LRRC4C: variants seen among roughly 807,000 people sequenced by gnomAD.
LRRC4C encodes the protein leucine rich repeat containing 4C, also known as leucine-rich repeat-containing protein 4C.
A neutral mutation model predicts 33.6 loss-of-function variants in LRRC4C; 5 were observed. That is an observed-to-expected ratio of 0.15 (90% CI 0.08 to 0.31). The LOEUF is 0.31. Among genes scored for constraint, LRRC4C ranks in the 10% least tolerant of loss-of-function variants. LRRC4C has a pLI of 1.00. For synonymous variants in LRRC4C, 329 were observed against 302.0 expected (o/e 1.09, Z -0.93); for missense variants, 560 against 796.7 (o/e 0.70, Z 3.58).
chr11:40,977,168 A>C (rs1358713378), intron 1 of LRRC4C, among the ~76,000 whole-genome samples: 2 of 152,140 alleles, frequency 1.3e-5, no homozygotes, highest in Non-Finnish European at 2.9e-5. Flanking sequence ...GACAAGAATC[A>C]GAACTCAGGT....
At chr11:40,981,338 C>A (rs576740285) in intron 1 of LRRC4C, among the ~76,000 whole-genome samples, 1 of 151,318 alleles carries the variant, frequency 6.6e-6, no homozygotes, top group African/African-American at 2.4e-5. Flanking sequence ...CGCTTGAGCC[C>A]GGGAGGCGGA....
At position 40,707,338 on chromosome 11, in the gene LRRC4C, G is replaced by T. The variant is rs529673027; in HGVS notation, c.-406-59060C>A. Among the ~76,000 whole-genome samples the T allele has an allele frequency of 2.6e-5, 4 of 152,256 alleles. No individual in the cohort carries two copies. In the East Asian group the frequency reaches 7.7e-4, roughly 29 times the overall value. On this transcript the variant is annotated intron_variant, in intron 2 of 6. Transcript: ENST00000528697. ...TTTTTGCCCATTCAGTATGATACTG[G>T]CTGTGGTTTGTCATAAATAGCTCTT...
At chr11:40,979,745 A>G (rs1852373984) in intron 1 of LRRC4C, among the ~76,000 whole-genome samples, 1 of 152,232 alleles carries the variant, frequency 6.6e-6, no homozygotes, top group Non-Finnish European at 1.5e-5. Context: ...TGCTTCTGCC[A>G]TTTTATGTGT....
intron 3 of LRRC4C, among the ~76,000 whole-genome samples, chr11:40,353,834 C>G (rs1947530318): frequency 6.6e-6 from 1 of 152,206 alleles, no homozygotes; most frequent in East Asian, 1.9e-4. Context: ...TCTGTCATAC[C>G]AGGTTAGGTC....
At chr11:40,852,136 T>G (rs984393935) in intron 2 of LRRC4C, among the ~76,000 whole-genome samples, 4 of 152,130 alleles carry the variant, frequency 2.6e-5, no homozygotes, top group Admixed American at 2.0e-4. Context: ...TAGATTTTTT[T>G]TTTTTTCCAG....
chr11:40,677,340 C>G (rs564382803), intron 2 of LRRC4C, among the ~76,000 whole-genome samples: 1 of 152,026 alleles, frequency 6.6e-6, no homozygotes, highest in African/African-American at 2.4e-5. Context: ...GACCCAAAAT[C>G]GCACCACAGC....
intron 2 of LRRC4C, among the ~76,000 whole-genome samples, chr11:40,812,181 T>G (rs1232304480): frequency 3.3e-5 from 5 of 152,214 alleles, no homozygotes; most frequent in Admixed American, 3.3e-4. Flanking sequence ...AAGGAGATGC[T>G]TATTTCTATT....
intron 1 of LRRC4C, among the ~76,000 whole-genome samples, chr11:41,420,597 C>T (rs894805102): frequency 7.2e-5 from 11 of 151,922 alleles, no homozygotes; most frequent in African/African-American, 1.4e-4. Flanking sequence ...TTTTGTCCTA[C>T]GAAAAATTCA....
chr11:41,064,244 C>G (rs1938031437), intron 1 of LRRC4C, among the ~76,000 whole-genome samples: 1 of 152,134 alleles, frequency 6.6e-6, no homozygotes, highest in Admixed American at 6.5e-5. Flanking sequence ...ACTAGTCTTT[C>G]CTATATGAGG....
intron 1 of LRRC4C, among the ~76,000 whole-genome samples, chr11:41,041,114 T>C (rs1040549215): frequency 9.9e-5 from 15 of 152,188 alleles, no homozygotes; most frequent in Non-Finnish European, 1.8e-4. Flanking sequence ...ACCATCGTAT[T>C]TGAACTGCTT....
chr11:41,406,663 C>T (rs1180645705), intron 1 of LRRC4C, among the ~76,000 whole-genome samples: 2 of 150,692 alleles, frequency 1.3e-5, no homozygotes, highest in East Asian at 3.9e-4. Context: ...ATCTAGCATG[C>T]TTTCCATCAA....
At chr11:41,037,613 C>T (rs987794201) in intron 1 of LRRC4C, among the ~76,000 whole-genome samples, 10 of 152,084 alleles carry the variant, frequency 6.6e-5, no homozygotes, top group Non-Finnish European at 1.5e-4. Context: ...CGCACTAAGA[C>T]ATTTGCTCAT....
intron 5 of LRRC4C, among the ~76,000 whole-genome samples, chr11:40,162,184 G>A (rs965014532): frequency 8.6e-5 from 13 of 151,580 alleles, no homozygotes; most frequent in Admixed American, 4.6e-4. Flanking sequence ...AAGACTGACC[G>A]TTATAACAAG....
At chr11:41,168,097 C>T (rs1565445263) in intron 1 of LRRC4C, among the ~76,000 whole-genome samples, 1 of 152,036 alleles carries the variant, frequency 6.6e-6, no homozygotes, top group South Asian at 2.1e-4. Flanking sequence ...CACCTATGAG[C>T]CAGGCATATA....
At chr11:40,144,066 T>C (rs1335126727) in intron 5 of LRRC4C, among the ~76,000 whole-genome samples, 1 of 152,162 alleles carries the variant, frequency 6.6e-6, no homozygotes, top group Non-Finnish European at 1.5e-5. Context: ...GATAGTCATT[T>C]TGTGGCTTGT....
chr11:40,940,420 A>T (rs1592143217), intron 1 of LRRC4C, among the ~76,000 whole-genome samples: 1 of 152,236 alleles, frequency 6.6e-6, no homozygotes, highest in South Asian at 2.1e-4. Flanking sequence ...CACATTGCTG[A>T]GCCACTGAAT....
intron 3 of LRRC4C, among the ~76,000 whole-genome samples, chr11:40,640,267 A>C (rs762036453): frequency 1.8e-4 from 28 of 152,146 alleles, no homozygotes; most frequent in Non-Finnish European, 3.2e-4. Flanking sequence ...TTGTGTTAAG[A>C]TATTTCTCAT....
intron 3 of LRRC4C, among the ~76,000 whole-genome samples, chr11:40,323,860 G>A (rs1945972446): frequency 6.6e-6 from 1 of 152,160 alleles, no homozygotes; most frequent in South Asian, 2.1e-4. Flanking sequence ...GAATTAGGTG[G>A]TATCAGAGGT....
intron 6 of LRRC4C, among the ~76,000 whole-genome samples, chr11:40,127,000 C>T (rs1445013213): frequency 6.6e-6 from 1 of 151,662 alleles, no homozygotes; most frequent in Non-Finnish European, 1.5e-5. Context: ...GAATTTGGGG[C>T]CAGGTGTAGT....
Sources: allele counts gnomAD v4.1 joint callset (sites outside exome capture counted in the v4.1 genomes callset), GRCh38; gene constraint gnomAD v4.1.1; transcripts MANE v1.5; gene names NCBI Gene and HGNC (gene_info 2026-07-23, HGNC 2026-07-21).